STARD13: variants seen among roughly 807,000 people sequenced by gnomAD.
STARD13 encodes the protein StAR related lipid transfer domain containing 13.
Under a neutral mutation model 106.4 loss-of-function variants are expected in STARD13, and 62 were observed. That is an observed-to-expected ratio of 0.58 (90% confidence interval 0.48 to 0.72). STARD13 has a LOEUF of 0.72. STARD13 is among the 30% of genes least tolerant of loss of function. STARD13 has a pLI of 0.00. For missense variants in STARD13, 1,387 were observed against 1,424.0 expected (o/e 0.97, Z 0.42); for synonymous variants, 565 against 553.0 (o/e 1.02, Z -0.31).
the STARD13 span, among the ~76,000 whole-genome samples, chr13:33,480,003 G>T: frequency 2.0e-5 from 3 of 152,080 alleles, no homozygotes; most frequent in Non-Finnish European, 4.4e-5. Context: ...CCAATCTCAG[G>T]TATTTCTTTA....
the STARD13 span, among the ~76,000 whole-genome samples, chr13:33,623,973 A>G: frequency 1.3e-5 from 2 of 152,228 alleles, no homozygotes; most frequent in Non-Finnish European, 2.9e-5. Flanking sequence ...TCCCAGTATC[A>G]GAGAGTTGTA....
chr13:33,203,347 T>C (rs976665166), intron 1 of STARD13, among the ~76,000 whole-genome samples: 2 of 152,264 alleles, frequency 1.3e-5, no homozygotes, highest in African/African-American at 4.8e-5. Context: ...TATCTTTTCA[T>C]ATCTTATATG....
chr13:33,582,816 T>G, the STARD13 span, among the ~76,000 whole-genome samples: 1 of 152,234 alleles, frequency 6.6e-6, no homozygotes, highest in African/African-American at 2.4e-5. Context: ...TGGGAAATAT[T>G]TTTATTTTCA....
At chr13:33,297,216 C>T (rs956263167) in intron 1 of STARD13, among the ~76,000 whole-genome samples, 2 of 152,236 alleles carry the variant, frequency 1.3e-5, no homozygotes, top group Non-Finnish European at 1.5e-5. Context: ...TCTTATAGTT[C>T]AGACCTGTTT....
the STARD13 span, among the ~76,000 whole-genome samples, chr13:33,440,717 GT>G: frequency 1.4e-5 from 2 of 145,548 alleles, no homozygotes; most frequent in African/African-American, 5.1e-5. Flanking sequence ...TAACCTTCAG[GT>G]TTAGATCTCC....
chr13:33,241,868 A>G (rs897170750), intron 1 of STARD13, among the ~76,000 whole-genome samples: 8 of 152,066 alleles, frequency 5.3e-5, no homozygotes, highest in East Asian at 3.9e-4. Context: ...CTGGAGTGCA[A>G]TGGCCTGATC....
the STARD13 span, among the ~76,000 whole-genome samples, chr13:33,357,713 T>C: frequency 3.3e-4 from 50 of 152,296 alleles, no homozygotes; most frequent in African/African-American, 1.2e-3. Context: ...GGTAGATCAC[T>C]TGAGGTTAGG....
the STARD13 span, among the ~76,000 whole-genome samples, chr13:33,498,887 C>A: frequency 1.3e-5 from 2 of 152,198 alleles, no homozygotes; most frequent in African/African-American, 4.8e-5. Context: ...GAGTACACTG[C>A]AGCACTTTCG....
the STARD13 span, among the ~76,000 whole-genome samples, chr13:33,456,222 CT>C: frequency 6.6e-6 from 1 of 152,118 alleles, no homozygotes; most frequent in Non-Finnish European, 1.5e-5. Context: ...TGGAGTCTCA[CT>C]CTGTTGTCCA....
intron 9 of STARD13, among the ~76,000 whole-genome samples, 177 bp downstream of exon 9, chr13:33,112,544 C>T (rs1481443559): frequency 6.6e-6 from 1 of 152,180 alleles, no homozygotes; most frequent in Admixed American, 6.5e-5. Flanking sequence ...TATGTATCAA[C>T]TATCTATCAA....
At chr13:33,355,909 T>G in the STARD13 span, among the ~76,000 whole-genome samples, 3 of 152,230 alleles carry the variant, frequency 2.0e-5, no homozygotes, top group African/African-American at 7.2e-5. Flanking sequence ...AGCATCAGGC[T>G]CCACACTTTC....
chr13:33,608,836 C>T, the STARD13 span, among the ~76,000 whole-genome samples: 1 of 152,100 alleles, frequency 6.6e-6, no homozygotes, highest in Admixed American at 6.5e-5. Context: ...CCTGTAATCC[C>T]AGCACTTTGG....
chr13:33,521,039 C>T, the STARD13 span, among the ~76,000 whole-genome samples: 5 of 152,136 alleles, frequency 3.3e-5, no homozygotes, highest in Non-Finnish European at 7.4e-5. Context: ...GGACCCATCA[C>T]CTACCTGTCT....
chr13:33,341,591 C>CAAAAA (rs543220774), intron 1 of STARD13, among the ~76,000 whole-genome samples: 1 of 76,934 alleles, frequency 1.3e-5, no homozygotes, highest in Non-Finnish European at 2.7e-5. Flanking sequence ...ACTCCGTCTC[C>CAAAAA]AAAAAAAAAA....
At chr13:33,132,053 A>T (rs1213060894) in intron 4 of STARD13, among the ~76,000 whole-genome samples, 1 of 152,204 alleles carries the variant, frequency 6.6e-6, no homozygotes, top group African/African-American at 2.4e-5. Context: ...ACAGTTAATC[A>T]TTGTGGGGAT....
At chr13:33,296,101 T>C (rs1892482749) in intron 1 of STARD13, among the ~76,000 whole-genome samples, 1 of 151,882 alleles carries the variant, frequency 6.6e-6, no homozygotes, top group Non-Finnish European at 1.5e-5. Flanking sequence ...TGGTGGCTCG[T>C]TACTGTAATC....
At chr13:33,650,164 A>ATGTTTTTTTTTTTT in the STARD13 span, among the ~76,000 whole-genome samples, 16 of 48,374 alleles carry the variant, frequency 3.3e-4, 3 homozygotes, top group East Asian at 2.2e-3. Context: ...CGTGACTCCA[A>ATGTTTTTTTTTTTT]TTTTTTTTTT....
At chr13:33,420,264 A>G in the STARD13 span, among the ~76,000 whole-genome samples, 2 of 152,370 alleles carry the variant, frequency 1.3e-5, no homozygotes, top group African/African-American at 4.8e-5. Flanking sequence ...AGGAAGATCT[A>G]TCAAGCAAAT....
At chr13:33,419,416 TA>T in the STARD13 span, among the ~76,000 whole-genome samples, 49 of 151,950 alleles carry the variant, frequency 3.2e-4, no homozygotes, top group African/African-American at 1.2e-3. Flanking sequence ...AAGTTTAGAT[TA>T]AAAAAAGAGT....
Sources: gnomAD v4.1 joint callset for allele counts (sites outside exome capture counted in the v4.1 genomes callset) on GRCh38, gnomAD v4.1.1 for gene constraint, MANE v1.5 for transcripts, NCBI Gene and HGNC (gene_info 2026-07-23, HGNC 2026-07-21) for gene names.